Variants in SMG7 observed in about 807,000 individuals in gnomAD.
The protein encoded by SMG7 is SMG7 nonsense mediated mRNA decay factor, also known as nonsense-mediated mRNA decay factor SMG7.
In SMG7, 34 loss-of-function variants were observed where a neutral mutation model predicts 148.2. The observed-to-expected ratio is 0.23, with a 90% CI of 0.17 to 0.31. The LOEUF (loss-of-function observed/expected upper bound fraction) is 0.31. Ranked by LOEUF, SMG7 falls within the 10% of genes least tolerant of loss-of-function variation. SMG7 has a pLI of 1.00. For synonymous variants in SMG7, 492 were observed against 515.1 expected, an observed-to-expected ratio of 0.96 and a Z score of 0.61; for missense variants, 1,114 against 1,408.4, an observed-to-expected ratio of 0.79 and a Z score of 3.35.
chr1:183,548,972 C>T (rs886178776), intron 18 of SMG7: 1 of 533,082 alleles, frequency 1.9e-6, no homozygotes, highest in Non-Finnish European at 3.3e-6. Flanking sequence ...TGGTCCCTGC[C>T]AGAATATAAT....
chr1:183,525,994 C>G (rs1199741799), intron 4 of SMG7, among the ~76,000 whole-genome samples: 3 of 151,820 alleles, frequency 2.0e-5, no homozygotes, highest in Non-Finnish European at 4.4e-5. Context: ...GTCTGAAAAT[C>G]GTGTCTGAAA....
At chr1:183,478,455 G>A (rs535287155) in intron 1 of SMG7, among the ~76,000 whole-genome samples, 21 of 152,274 alleles carry the variant, frequency 1.4e-4, no homozygotes, top group Middle Eastern at 6.8e-3. Context: ...TATTTTGGCA[G>A]TTAATTTCTG....
intron 1 of SMG7, among the ~76,000 whole-genome samples, chr1:183,493,682 AG>A (rs1206435506): frequency 1.3e-5 from 2 of 152,090 alleles, no homozygotes; most frequent in African/African-American, 4.8e-5. Context: ...CCCATGTTCA[AG>A]TGATTCTTGT....
chr1:183,504,958 T>C (rs951449560), intron 1 of SMG7, among the ~76,000 whole-genome samples: 1 of 152,192 alleles, frequency 6.6e-6, no homozygotes, highest in African/African-American at 2.4e-5. Flanking sequence ...AATACCATTC[T>C]TATTTCCTTC....
chr1:183,497,661 C>T (rs1215145074), intron 1 of SMG7, among the ~76,000 whole-genome samples: 1 of 152,116 alleles, frequency 6.6e-6, no homozygotes, highest in African/African-American at 2.4e-5. Context: ...CCTCTGCCTC[C>T]CCGGTTCATG....
chr1:183,506,473 C>T (rs566136935), intron 1 of SMG7, among the ~76,000 whole-genome samples: 6 of 152,072 alleles, frequency 3.9e-5, no homozygotes, highest in African/African-American at 1.4e-4. Flanking sequence ...TGGGTGTATA[C>T]GCATGTGCAC....
chr1:183,506,536 TGATTA>T (rs901086092), intron 1 of SMG7, among the ~76,000 whole-genome samples: 12 of 152,222 alleles, frequency 7.9e-5, no homozygotes, highest in African/African-American at 2.4e-4. Flanking sequence ...TAAATAATTA[TGATTA>T]GATTATTGTG....
At chr1:183,493,125 C>G (rs1197314381) in intron 1 of SMG7, among the ~76,000 whole-genome samples, 1 of 149,720 alleles carries the variant, frequency 6.7e-6, no homozygotes, top group Non-Finnish European at 1.5e-5. Flanking sequence ...TGCACTGCCA[C>G]TGTTCCTGGC....
intron 2 of SMG7, among the ~76,000 whole-genome samples, chr1:183,514,662 T>A (rs1334780435): frequency 1.3e-5 from 2 of 152,258 alleles, no homozygotes; most frequent in Admixed American, 1.3e-4. Context: ...CCCAGAAACT[T>A]TAACTAAGAT....
intron 1 of SMG7, among the ~76,000 whole-genome samples, chr1:183,486,820 C>T (rs1449900815): frequency 6.6e-6 from 1 of 150,472 alleles, no homozygotes; most frequent in Non-Finnish European, 1.5e-5. Flanking sequence ...ACCTCAGCCT[C>T]CTGAGTAGCT....
intron 1 of SMG7, among the ~76,000 whole-genome samples, chr1:183,497,812 C>T (rs1045513770): frequency 6.6e-6 from 1 of 152,100 alleles, no homozygotes; most frequent in Non-Finnish European, 1.5e-5. Flanking sequence ...CTCATGATCC[C>T]ACCTGCCTCG....
chr1:183,545,194 C>G lies in SMG7; in HGVS notation c.2252C>G (p.Pro751Arg). ...QQPLTSLPAQ[P>R]TAQSTSQLQV... ...CCCCTTACATCTTTACCAGCTCAGC[C>G]AACAGCACAGTCTACAAGCCAGCTG... Residue 751 changes from proline to arginine, a missense_variant, in exon 16 of 23, where the codon CCA (proline) becomes CGA (arginine). Pro to Arg is a moderately radical substitution (Grantham distance 103). This residue lies in a region of SMG7 where 788 missense variants were observed against 894.5 expected (regional missense o/e 0.88). Transcript: ENST00000688051. 1 of 1,614,138 alleles carries G rather than the reference C, an allele frequency of 6.2e-7. No homozygotes were observed. The highest frequency in any genetic ancestry group is 8.5e-7 in the Non-Finnish European group (1 of 1,180,012).
At chr1:183,512,554 A>G (rs979068935) in intron 1 of SMG7, among the ~76,000 whole-genome samples, 52 of 152,322 alleles carry the variant, frequency 3.4e-4, no homozygotes, top group African/African-American at 1.2e-3. Flanking sequence ...TAAGTAAATC[A>G]CATGTGAAGG....
intron 1 of SMG7, among the ~76,000 whole-genome samples, chr1:183,487,831 C>T (rs1379883967): frequency 1.3e-5 from 2 of 152,172 alleles, no homozygotes; most frequent in African/African-American, 4.8e-5. Flanking sequence ...GAAGCAGGTT[C>T]TGCTTTATAA....
rs941084163 is a variant in SMG7, at chr1:183,552,915, C to G, written c.*984C>G. ...GCCCCATCTCCATCCCTTCTTTTAC[C>G]CAATGCTGTATGCTAGTAATTGTTT... On this transcript the variant is annotated 3_prime_UTR_variant, in exon 23 of 23. Coordinates refer to ENST00000688051, the MANE Select transcript of SMG7 (RefSeq NM_001375584.1). The G allele has an allele frequency of 6.6e-7, 1 of 1,504,474 alleles. No homozygotes were observed. The allele number at this position is 1,504,474 out of a possible 1,614,324, so 93.2% of individuals were successfully genotyped here.
At position 183,473,881 on chromosome 1, in the gene SMG7, A is replaced by G. The variant is rs189523906; in HGVS notation, c.29+1232A>G. ...AAAGTATTGACGTGTGTGGATCCCT[A>G]TATGTATATTGCAAGAGGTGTGTAG... On this transcript the variant is annotated intron_variant, in intron 1 of 22. Coordinates refer to ENST00000688051, the MANE Select transcript of SMG7 (RefSeq NM_001375584.1). 128 of 985,202 alleles carry G rather than the reference A, an allele frequency of 1.3e-4. No individual in the cohort carries two copies. The African/African-American group carries it at 1.8e-3, about 14-fold the overall frequency. 61.0% of individuals were successfully genotyped at this position (985,202 alleles called of 1,614,324 possible).
chr1:183,552,885 C>T lies in SMG7; in HGVS notation c.*954C>T, dbSNP rs1671277685. ...TTGTGCCCCCATTCTACTTCCCACC[C>T]TCCTGCCCCATCTCCATCCCTTCTT... is the stretch of plus-strand genomic sequence containing the variant. On this transcript the variant is annotated 3_prime_UTR_variant, in exon 23 of 23. Coordinates refer to ENST00000688051, the MANE Select transcript of SMG7 (RefSeq NM_001375584.1). 1.4e-6 allele frequency: 2 copies of T among 1,463,960 alleles called. No individual in the cohort carries two copies. Among genetic ancestry groups the T allele is most frequent in the Non-Finnish European group, 1.8e-6 (2 of 1,110,732 alleles). The allele number at this position is 1,463,960 out of a possible 1,614,324, so 90.7% of individuals were successfully genotyped here. A position where few individuals can be genotyped will look rare whatever the true frequency, so the allele number is the denominator to read the frequency against.
intron 2 of SMG7, among the ~76,000 whole-genome samples, chr1:183,514,715 A>G (rs1159198824): frequency 6.6e-6 from 1 of 152,252 alleles, no homozygotes; most frequent in East Asian, 1.9e-4. Flanking sequence ...GATGAGAATT[A>G]GTAATCTTTT....
intron 1 of SMG7, among the ~76,000 whole-genome samples, chr1:183,493,876 G>T (rs190696425): frequency 6.6e-6 from 1 of 152,228 alleles, no homozygotes; most frequent in East Asian, 1.9e-4. Context: ...CATAGCACCC[G>T]GCCACTTTAC....
Sources: allele counts gnomAD v4.1 joint callset (sites outside exome capture counted in the v4.1 genomes callset), GRCh38; gene constraint gnomAD v4.1.1; regional missense constraint gnomAD v4.1.1; transcripts MANE v1.5; gene names NCBI Gene and HGNC (gene_info 2026-07-23, HGNC 2026-07-21).